COL24A1: variants seen among roughly 807,000 people sequenced by gnomAD.
The protein encoded by COL24A1 is collagen type XXIV alpha 1 chain.
COL24A1 carries 224 observed loss-of-function variants against 253.9 expected under a neutral mutation model. The ratio of observed to expected loss-of-function variants is 0.88; its 90% CI spans 0.79 to 0.99. The LOEUF is 0.99. Among genes scored for constraint, COL24A1 ranks in the 50% least tolerant of loss-of-function variants. The pLI, the probability that COL24A1 is intolerant of heterozygous loss-of-function variation, is 0.00. For synonymous variants in COL24A1, 685 were observed against 673.7 expected (o/e 1.02, Z -0.26); for missense variants, 2,131 against 2,068.5 (o/e 1.03, Z -0.59).
chr1:86,026,648 G>A (rs1260885217), intron 14 of COL24A1, among the ~76,000 whole-genome samples: 1 of 152,168 alleles, frequency 6.6e-6, no homozygotes, highest in Non-Finnish European at 1.5e-5. Flanking sequence ...CCCAGTCTCG[G>A]ATATTTCTTC....
At chr1:86,126,819 T>C (rs942894853) in intron 2 of COL24A1, among the ~76,000 whole-genome samples, 3 of 152,122 alleles carry the variant, frequency 2.0e-5, no homozygotes, top group South Asian at 4.1e-4. Flanking sequence ...TATTTGTCAC[T>C]TCAATGAATA....
chr1:86,053,395 A>G (rs973511345), intron 10 of COL24A1, among the ~76,000 whole-genome samples: 8 of 152,122 alleles, frequency 5.3e-5, no homozygotes, highest in South Asian at 2.1e-4. Context: ...GAATAATGTT[A>G]TAAGTAATTG....
Position 86,059,107 on chromosome 1 carries a change from T to A in COL24A1, c.1806+14A>T. Reference sequence around the variant, plus strand: ...AGGAACACAAAGAGAAAAGTCTAAATATAGTTACTGCACCTGCCTGCCAGG... The same window carrying A: ...AGGAACACAAAGAGAAAAGTCTAAAAATAGTTACTGCACCTGCCTGCCAGG... On this transcript the variant is annotated intron_variant, in intron 9 of 59. Transcript: ENST00000370571. 1 of 1,592,434 alleles carries A rather than the reference T, an allele frequency of 6.3e-7. No individual in the cohort carries two copies. Among genetic ancestry groups the A allele is most frequent in the Non-Finnish European group, 8.6e-7 (1 of 1,164,958 alleles).
intron 24 of COL24A1, among the ~76,000 whole-genome samples, chr1:85,955,949 T>C (rs1690418984): frequency 6.6e-6 from 1 of 152,238 alleles, no homozygotes; most frequent in Admixed American, 6.5e-5. Flanking sequence ...TGGCTTAAGA[T>C]ATTACAGAGC....
chr1:85,946,006 G>T (rs1689289322), intron 24 of COL24A1, among the ~76,000 whole-genome samples: 1 of 152,108 alleles, frequency 6.6e-6, no homozygotes, highest in African/African-American at 2.4e-5. Context: ...TGGATTTGGG[G>T]ACAGTTCCCA....
intron 2 of COL24A1, among the ~76,000 whole-genome samples, chr1:86,135,870 C>A (rs1650163073): frequency 6.6e-6 from 1 of 151,902 alleles, no homozygotes; most frequent in Admixed American, 6.6e-5. Flanking sequence ...TTGTATATTT[C>A]TACTTGTGCT....
At chr1:85,877,710 A>C (rs1252319086) in intron 32 of COL24A1, among the ~76,000 whole-genome samples, 1 of 152,248 alleles carries the variant, frequency 6.6e-6, no homozygotes, top group Non-Finnish European at 1.5e-5. Context: ...TTATATTAAA[A>C]AGAAAAGAGT....
At chr1:85,788,147 G>A (rs11590890) in intron 47 of COL24A1, among the ~76,000 whole-genome samples, 57,655 of 151,900 alleles carry the variant, frequency 0.38, 12,332 homozygotes, top group Non-Finnish European at 0.49. Context: ...CTGGAGTGCA[G>A]TGGTGCGATC....
At chr1:86,137,706 C>T (rs1417695790) in intron 2 of COL24A1, among the ~76,000 whole-genome samples, 3 of 152,212 alleles carry the variant, frequency 2.0e-5, no homozygotes, top group Non-Finnish European at 4.4e-5. Flanking sequence ...GCAACAACCA[C>T]ATATGCTGAC....
intron 14 of COL24A1, 64 bp downstream of exon 14, chr1:86,031,814 C>G: frequency 1.5e-6 from 2 of 1,340,274 alleles, no homozygotes; most frequent in Non-Finnish European, 2.1e-6. Context: ...AAAAACACAT[C>G]TAACACATAT....
At chr1:85,747,329 G>T (rs1665346407) in intron 55 of COL24A1, among the ~76,000 whole-genome samples, 1 of 151,746 alleles carries the variant, frequency 6.6e-6, no homozygotes, top group African/African-American at 2.4e-5. Flanking sequence ...GGCCAGGCTG[G>T]TCTCAAACTC....
At chr1:86,059,257 A>G in intron 8 of COL24A1, 83 bp from the exon 9 acceptor site, 1 of 1,004,926 alleles carries the variant, frequency 1.0e-6, no homozygotes, top group Non-Finnish European at 1.5e-6. Flanking sequence ...GCTTGGAAAT[A>G]ATTTTTCCCC....
chr1:85,760,163 C>T (rs1666706816), intron 55 of COL24A1, among the ~76,000 whole-genome samples: 1 of 151,832 alleles, frequency 6.6e-6, no homozygotes, highest in Non-Finnish European at 1.5e-5. Context: ...ACCTCTGCCT[C>T]CCGGGCTCAG....
chr1:85,906,824 T>C (rs999090269), intron 28 of COL24A1, among the ~76,000 whole-genome samples: 3 of 151,930 alleles, frequency 2.0e-5, no homozygotes, highest in Non-Finnish European at 4.4e-5. Flanking sequence ...TCTTATTGCT[T>C]TTATTTTGTC....
chr1:85,905,767 A>G (rs984405004), intron 28 of COL24A1, among the ~76,000 whole-genome samples: 12 of 152,236 alleles, frequency 7.9e-5, no homozygotes, highest in Admixed American at 7.2e-4. Context: ...AACTTTCCAT[A>G]TGACTTAATG....
intron 12 of COL24A1, among the ~76,000 whole-genome samples, chr1:86,043,971 T>C (rs951928687): frequency 6.6e-6 from 1 of 152,252 alleles, no homozygotes; most frequent in Non-Finnish European, 1.5e-5. Context: ...GTCATCCATC[T>C]ACTTCATAGT....
At chr1:86,139,819 C>T (rs1025850357) in intron 2 of COL24A1, among the ~76,000 whole-genome samples, 23 of 152,134 alleles carry the variant, frequency 1.5e-4, no homozygotes, top group African/African-American at 4.1e-4. Flanking sequence ...TTATAGACTT[C>T]GACACACTTT....
intron 32 of COL24A1, among the ~76,000 whole-genome samples, chr1:85,885,041 T>C (rs2102694528): frequency 6.6e-6 from 1 of 152,302 alleles, no homozygotes; most frequent in South Asian, 2.1e-4. Context: ...GTTGCCTGTC[T>C]GTCTCTCCAT....
intron 22 of COL24A1, among the ~76,000 whole-genome samples, chr1:85,968,557 T>C (rs1691796442): frequency 6.6e-6 from 1 of 152,204 alleles, no homozygotes; most frequent in Non-Finnish European, 1.5e-5. Context: ...CATCCTATTA[T>C]TATTAAATAT....
Sources: allele counts gnomAD v4.1 joint callset (sites outside exome capture counted in the v4.1 genomes callset), GRCh38; gene constraint gnomAD v4.1.1; transcripts MANE v1.5; gene names NCBI Gene and HGNC (gene_info 2026-07-23, HGNC 2026-07-21).